ZRANB1: variants seen among roughly 807,000 people sequenced by gnomAD.
ZRANB1 encodes the protein zinc finger RANBP2-type containing 1.
ZRANB1 carries 16 observed loss-of-function variants against 80.5 expected under a neutral mutation model. The ratio of observed to expected loss-of-function variants is 0.20; its 90% confidence interval spans 0.13 to 0.30. The LOEUF (loss-of-function observed/expected upper bound fraction) is 0.30. Among genes scored for constraint, ZRANB1 ranks in the 10% least tolerant of loss-of-function variants. The probability of loss-of-function intolerance (pLI) is 1.00; values close to 1 mark genes in which losing one functional copy is unlikely to be tolerated. For missense variants in ZRANB1, 576 were observed against 862.6 expected, an observed-to-expected ratio of 0.67 and a Z score of 4.16; for synonymous variants, 291 against 293.1, an observed-to-expected ratio of 0.99 and a Z score of 0.07.
In ZRANB1 at chr10:124,986,322, C is replaced by CACACAG. The variant is rs1491004823; in HGVS notation, c.*1331_*1332insCACAGA. 6.6e-6 allele frequency: 1 copy of CACACAG among 152,102 alleles called. No individual in the cohort carries two copies. Among genetic ancestry groups the CACACAG allele is most frequent in the Non-Finnish European group, 1.5e-5 (1 of 67,994 alleles). The allele number at this position is 152,102 out of a possible 1,614,324, so 9.4% of individuals were successfully genotyped here. A position where few individuals can be genotyped will look rare whatever the true frequency, so the allele number is the denominator to read the frequency against. On this transcript the variant is annotated 3_prime_UTR_variant, in exon 9 of 9. Coordinates refer to ENST00000359653, the MANE Select transcript of ZRANB1 (RefSeq NM_017580.3). ...ACACACACACACACACACACACACA[C>CACACAG]AGTTTTTTCCTTCCCTGTGATGAAA...
rs1418361742 is a variant in ZRANB1 at position 124,942,665 on chromosome 10, A to C, written c.172A>C (p.Thr58Pro). The C allele has an allele frequency of 6.2e-7, 1 of 1,614,146 alleles. No individual in the cohort carries two copies. Among genetic ancestry groups the C allele is most frequent in the South Asian group, 1.1e-5 (1 of 91,090 alleles). The change falls in exon 1 of 9, where the codon ACC (threonine) becomes CCC (proline). Residue 58 changes from threonine to proline, a missense_variant. Physicochemically the swap from Thr to Pro is conservative, Grantham distance 38 (BLOSUM62 -1). Coordinates refer to ENST00000359653, the MANE Select transcript of ZRANB1 (RefSeq NM_017580.3). ...TGGTAGAGATTGGGATCCTTCCAGCACCGAAGGAGGAAGTAGTCCTTTGAT... is the reference window on the plus strand; with the variant it reads ...TGGTAGAGATTGGGATCCTTCCAGCCCCGAAGGAGGAAGTAGTCCTTTGAT... ...DVGRDWDPSS[T>P]EGGSSPLICP...
the ZRANB1 span, among the ~76,000 whole-genome samples, chr10:124,935,231 A>G: frequency 6.6e-6 from 1 of 152,232 alleles, no homozygotes; most frequent in African/African-American, 2.4e-5. Flanking sequence ...ATACTTAAGT[A>G]TGGACCTAAC....
At chr10:124,973,441 G>A (rs1282301716) in intron 3 of ZRANB1, among the ~76,000 whole-genome samples, 1 of 152,208 alleles carries the variant, frequency 6.6e-6, no homozygotes, top group Non-Finnish European at 1.5e-5. Context: ...ATAGGCGTGA[G>A]CCATTGCACC....
intron 1 of ZRANB1, among the ~76,000 whole-genome samples, chr10:124,961,267 A>G (rs1362844541): frequency 2.6e-5 from 4 of 152,138 alleles, no homozygotes; most frequent in Non-Finnish European, 4.4e-5. Context: ...CGGCCTCCCA[A>G]AGTGCTAGGA....
At chr10:124,922,277 G>A in the ZRANB1 span, among the ~76,000 whole-genome samples, 118 of 83,220 alleles carry the variant, frequency 1.4e-3, no homozygotes, top group African/African-American at 5.2e-3. Context: ...ATATATATAT[G>A]TAAAATATAT....
Position 124,943,224 on chromosome 10 carries a change from A to T in ZRANB1, c.731A>T (p.Glu244Val). Reference sequence around the variant, plus strand: ...GCTGGTGCTGTGGGAAGCAAGGAGGAACTTGAAGTAGACTTTAAAAAACTA... The same window carrying T: ...GCTGGTGCTGTGGGAAGCAAGGAGGTACTTGAAGTAGACTTTAAAAAACTA... ...ELAGAVGSKE[E>V]LEVDFKKLKQ... The change falls in exon 1 of 9, where the codon GAA becomes GTA. Residue 244 changes from glutamate to valine, a missense_variant. Transcript: ENST00000359653. The T allele has an allele frequency of 6.2e-7, 1 of 1,614,192 alleles. No homozygotes were observed. The highest frequency in any genetic ancestry group is 8.5e-7 in the Non-Finnish European group (1 of 1,180,034).
chr10:124,955,549 C>CTATGAA (rs1193040822), intron 1 of ZRANB1, among the ~76,000 whole-genome samples: 2 of 152,098 alleles, frequency 1.3e-5, no homozygotes, highest in African/African-American at 4.8e-5. Context: ...AAGTGTGATG[C>CTATGAA]GTGTGTAGCT....
At chr10:124,962,420 C>CTT in intron 1 of ZRANB1, 11 of 977,336 alleles carry the variant, frequency 1.1e-5, no homozygotes, top group Non-Finnish European at 1.3e-5. Flanking sequence ...TAAGTCCTGG[C>CTT]TTTTTTTTTA....
chr10:124,926,519 C>T, the ZRANB1 span, among the ~76,000 whole-genome samples: 1 of 152,198 alleles, frequency 6.6e-6, no homozygotes, highest in Non-Finnish European at 1.5e-5. Flanking sequence ...TCTTGTCCCA[C>T]TGGAAGGTCT....
chr10:124,971,721 G>GT (rs1322338164), intron 2 of ZRANB1, among the ~76,000 whole-genome samples: 1 of 152,158 alleles, frequency 6.6e-6, no homozygotes, highest in Non-Finnish European at 1.5e-5. Context: ...GCATCTTTGA[G>GT]TATTTCCTTG....
intron 8 of ZRANB1, chr10:124,984,492 T>G: frequency 2.7e-6 from 1 of 369,674 alleles, no homozygotes; most frequent in Non-Finnish European, 4.9e-6. Flanking sequence ...CCAGGATCAG[T>G]TTATTAGGAC....
chr10:124,972,531 A>T (rs1951836255), intron 3 of ZRANB1, among the ~76,000 whole-genome samples: 1 of 152,184 alleles, frequency 6.6e-6, no homozygotes, highest in Non-Finnish European at 1.5e-5. Context: ...TTAGAACATG[A>T]GCTTTTGATG....
At chr10:124,931,767 C>A in the ZRANB1 span, among the ~76,000 whole-genome samples, 1 of 152,166 alleles carries the variant, frequency 6.6e-6, no homozygotes, top group Non-Finnish European at 1.5e-5. Flanking sequence ...CCATGTTTCC[C>A]CCACTGTCTA....
chr10:124,946,405 C>G (rs1589840515), intron 1 of ZRANB1: 1 of 112,964 alleles, frequency 8.9e-6, no homozygotes, highest in Admixed American at 9.8e-5. Context: ...GCAACAAGAG[C>G]AAAACCCTGT....
At chr10:124,938,864 A>G (rs1589836925), upstream of ZRANB1, among the ~76,000 whole-genome samples, 1 of 152,014 alleles carries the variant, frequency 6.6e-6, no homozygotes, top group South Asian at 2.1e-4. Context: ...AGGCGACTGC[A>G]CCTGGCTAAT....
intron 3 of ZRANB1, 55 bp downstream of exon 3, chr10:124,972,173 GTGTA>G: frequency 6.5e-7 from 1 of 1,535,594 alleles, no homozygotes. Context: ...AGTTACATTT[GTGTA>G]TGTAGGTGAA....
intron 1 of ZRANB1, among the ~76,000 whole-genome samples, chr10:124,948,519 T>C (rs1951603701): frequency 6.6e-6 from 1 of 152,068 alleles, no homozygotes; most frequent in African/African-American, 2.4e-5. Flanking sequence ...GCCACCTTTT[T>C]TTTTTTTCCT....
chr10:124,987,425 A>G lies in ZRANB1; in HGVS notation c.*2433A>G, dbSNP rs559315725. 1.3e-5 allele frequency: 2 copies of G among 152,188 alleles called. No homozygotes were observed. Among genetic ancestry groups the G allele is most frequent in the South Asian group, 4.2e-4 (2 of 4,814 alleles). The allele number at this position is 152,188 out of a possible 1,614,324, so 9.4% of individuals were successfully genotyped here. A position where few individuals can be genotyped will look rare whatever the true frequency, so the allele number is the denominator to read the frequency against. On this transcript the variant is annotated 3_prime_UTR_variant, in exon 9 of 9. Coordinates refer to ENST00000359653, the MANE Select transcript of ZRANB1 (RefSeq NM_017580.3). ...GATCTAATAATTAAAACCCAGGTGG[A>G]CCATGGATTCAGACCTGCCTTTTTA...
At chr10:124,953,143 G>A (rs1951656439) in intron 1 of ZRANB1, among the ~76,000 whole-genome samples, 1 of 145,960 alleles carries the variant, frequency 6.9e-6, no homozygotes, top group African/African-American at 2.5e-5. Context: ...TATTGGCCAG[G>A]CTGGTCTCAA....
Sources: allele counts gnomAD v4.1 joint callset (sites outside exome capture counted in the v4.1 genomes callset), GRCh38; gene constraint gnomAD v4.1.1; transcripts MANE v1.5; gene names NCBI Gene and HGNC (gene_info 2026-07-23, HGNC 2026-07-21).